Variants in DLG1 observed in about 807,000 individuals in gnomAD.
DLG1 encodes the protein discs large MAGUK scaffold protein 1, also known as disks large homolog 1.
Under a neutral mutation model 123.4 loss-of-function variants are expected in DLG1, and 42 were observed. The observed-to-expected ratio is 0.34, with a 90% CI of 0.27 to 0.44. The LOEUF is 0.44. DLG1 is among the 20% of genes least tolerant of loss of function. DLG1 has a pLI of 1.00. For synonymous variants in DLG1, 317 were observed against 356.2 expected, an observed-to-expected ratio of 0.89 and a Z score of 1.24; for missense variants, 942 against 1,082.6, an observed-to-expected ratio of 0.87 and a Z score of 1.82.
At position 197,091,017 on chromosome 3, in the gene DLG1, C is replaced by T. The variant is rs141544348; in HGVS notation, c.1556G>A (p.Arg519His). The change falls in exon 15 of 25, where the codon CGT becomes CAT. Residue 519 changes from arginine to histidine, a missense_variant. By Grantham distance (29) the Arg-to-His change is conservative. Coordinates refer to ENST00000667157, the MANE Select transcript of DLG1 (RefSeq NM_001366207.1). Reference protein sequence around the residue: ...VAQYRPEEYSRFEAKIHDLRE... With the variant: ...VAQYRPEEYSHFEAKIHDLRE... Reference sequence around the variant, plus strand: ...TAAATCATGTATTTTAGCTTCAAAACGACTGTATTCTGATGGAAGAAAAAG... The same window carrying T: ...TAAATCATGTATTTTAGCTTCAAAATGACTGTATTCTGATGGAAGAAAAAG... The T allele has an allele frequency of 5.0e-4, 795 of 1,597,112 alleles. No individual in the cohort carries two copies. The highest frequency in any genetic ancestry group is 6.6e-4 in the Middle Eastern group (4 of 6,032).
intron 4 of DLG1, among the ~76,000 whole-genome samples, chr3:197,247,583 T>C (rs403274): frequency 0.76 from 114,879 of 152,020 alleles, 43,523 homozygotes; most frequent in East Asian, 0.82. Flanking sequence ...TTGACAAATT[T>C]GAATCCTCAT....
intron 3 of DLG1, among the ~76,000 whole-genome samples, chr3:197,290,783 A>T (rs902484350): frequency 6.6e-6 from 1 of 151,756 alleles, no homozygotes; most frequent in Non-Finnish European, 1.5e-5. Context: ...CTGTAGTCCC[A>T]GCTACTCAGG....
intron 13 of DLG1, among the ~76,000 whole-genome samples, chr3:197,105,522 G>C (rs1448725249): frequency 1.3e-5 from 2 of 152,142 alleles, no homozygotes; most frequent in Admixed American, 6.5e-5. Flanking sequence ...AAACAGCTCA[G>C]ATTTCAAGGA....
chr3:197,202,520 A>G (rs1726304747), intron 4 of DLG1, among the ~76,000 whole-genome samples: 1 of 152,174 alleles, frequency 6.6e-6, no homozygotes, highest in Non-Finnish European at 1.5e-5. Flanking sequence ...AAGAATCTCA[A>G]AATTTTAAAC....
intron 5 of DLG1, among the ~76,000 whole-genome samples, chr3:197,193,750 A>C (rs1720912138): frequency 6.6e-6 from 1 of 152,158 alleles, no homozygotes; most frequent in Non-Finnish European, 1.5e-5. Context: ...TCAGGATTAT[A>C]GTTACTTCTG....
chr3:197,111,420 C>T (rs1195309741), intron 13 of DLG1, among the ~76,000 whole-genome samples: 1 of 152,174 alleles, frequency 6.6e-6, no homozygotes, highest in African/African-American at 2.4e-5. Context: ...TATTTGGACA[C>T]AAAGTGTGAA....
chr3:197,232,722 T>C (rs369538587), intron 4 of DLG1, among the ~76,000 whole-genome samples: 35 of 152,098 alleles, frequency 2.3e-4, no homozygotes, highest in South Asian at 8.3e-4. Flanking sequence ...CAACGCACAG[T>C]TGATCCTAAA....
intron 4 of DLG1, among the ~76,000 whole-genome samples, chr3:197,253,757 A>C (rs570289788): frequency 2.6e-5 from 4 of 152,286 alleles, no homozygotes; most frequent in South Asian, 4.1e-4. Flanking sequence ...TGGTGACAGA[A>C]ATGTTCTGTA....
At chr3:197,278,308 A>G (rs942675094) in intron 4 of DLG1, among the ~76,000 whole-genome samples, 7 of 149,206 alleles carry the variant, frequency 4.7e-5, no homozygotes, top group Non-Finnish European at 1.0e-4. Context: ...AAAAAAAAAA[A>G]AAAGAAATGA....
intron 6 of DLG1, among the ~76,000 whole-genome samples, chr3:197,143,423 A>T (rs1789082717): frequency 6.6e-6 from 1 of 151,828 alleles, no homozygotes; most frequent in East Asian, 1.9e-4. Context: ...CGCCCGGCTA[A>T]TTTTTTGTAT....
chr3:197,054,578 T>C (rs1730342824), intron 23 of DLG1, among the ~76,000 whole-genome samples: 1 of 152,184 alleles, frequency 6.6e-6, no homozygotes, highest in Non-Finnish European at 1.5e-5. Flanking sequence ...TTCCTTTTGG[T>C]TTATTTTTAG....
intron 4 of DLG1, among the ~76,000 whole-genome samples, chr3:197,271,414 T>TC (rs1763866253): frequency 6.6e-6 from 1 of 152,198 alleles, no homozygotes; most frequent in Non-Finnish European, 1.5e-5. Context: ...TATTAGTTTT[T>TC]CCCCTTCCTA....
chr3:197,297,694 C>T (rs1778179643), intron 1 of DLG1: 2 of 989,094 alleles, frequency 2.0e-6, no homozygotes, highest in Non-Finnish European at 2.4e-6. Context: ...CTCGCTGCCT[C>T]CGGGCTGCTC....
chr3:197,197,222 CTTAA>C (rs1723009421), intron 4 of DLG1, among the ~76,000 whole-genome samples: 1 of 152,142 alleles, frequency 6.6e-6, no homozygotes, highest in Non-Finnish European at 1.5e-5. Context: ...GACGCAACAA[CTTAA>C]TTAATCTCAC....
chr3:197,056,207 G>A (rs1281838433), intron 23 of DLG1, among the ~76,000 whole-genome samples: 2 of 152,176 alleles, frequency 1.3e-5, no homozygotes, highest in Admixed American at 6.5e-5. Flanking sequence ...GTTGTCGTCT[G>A]GGTGGGGAGA....
chr3:197,187,799 T>A (rs1716951199), intron 5 of DLG1, among the ~76,000 whole-genome samples: 1 of 152,210 alleles, frequency 6.6e-6, no homozygotes, highest in South Asian at 2.1e-4. Flanking sequence ...ACACTACTCT[T>A]ACATAACCCC....
intron 5 of DLG1, among the ~76,000 whole-genome samples, chr3:197,177,596 C>T (rs1807814498): frequency 6.6e-6 from 1 of 151,992 alleles, no homozygotes; most frequent in Admixed American, 6.6e-5. Flanking sequence ...GAATTTCAGA[C>T]CTGTTGCCTG....
At chr3:197,070,564 C>CTTTTTTTTTTTTTTTTTTT (rs1491200833) in intron 18 of DLG1, 4 of 44,926 alleles carry the variant, frequency 8.9e-5, no homozygotes, top group Admixed American at 2.5e-4. Context: ...CTGGAAATTT[C>CTTTTTTTTTTTTTTTTTTT]ATTTTTTTTT....
chr3:197,121,490 T>C (rs1448247728), intron 11 of DLG1, among the ~76,000 whole-genome samples: 3 of 152,076 alleles, frequency 2.0e-5, no homozygotes, highest in East Asian at 1.9e-4. Context: ...GAATATAAGT[T>C]AAAAGCGAGA....
Sources: gnomAD v4.1 joint callset for allele counts (sites outside exome capture counted in the v4.1 genomes callset) on GRCh38, gnomAD v4.1.1 for gene constraint, MANE v1.5 for transcripts, NCBI Gene and HGNC (gene_info 2026-07-23, HGNC 2026-07-21) for gene names.